RBFOX2: variants seen among roughly 807,000 people sequenced by gnomAD.
RBFOX2 encodes the protein RNA binding fox-1 homolog 2, also known as RNA binding protein fox-1 homolog 2.
Under a neutral mutation model 49.1 loss-of-function variants are expected in RBFOX2, and 10 were observed. The ratio of observed to expected loss-of-function variants is 0.20; its 90% CI spans 0.13 to 0.35. The LOEUF (loss-of-function observed/expected upper bound fraction) is 0.35. Among genes scored for constraint, RBFOX2 ranks in the 10% least tolerant of loss-of-function variants. The pLI is 1.00. For synonymous variants in RBFOX2, 183 were observed against 187.4 expected (o/e 0.98, Z 0.19); for missense variants, 323 against 486.9 (o/e 0.66, Z 3.17).
chr22:35,792,384 G>A (rs186067218), intron 2 of RBFOX2, among the ~76,000 whole-genome samples: 13 of 147,360 alleles, frequency 8.8e-5, no homozygotes, highest in African/African-American at 3.3e-4. Flanking sequence ...AAAGAAATTA[G>A]GCAACTATTA....
intron 1 of RBFOX2, among the ~76,000 whole-genome samples, chr22:35,824,126 G>A (rs1388470064): frequency 6.6e-6 from 1 of 151,872 alleles, no homozygotes; most frequent in Non-Finnish European, 1.5e-5. Flanking sequence ...TCCAGACTGG[G>A]AGACAGGATG....
intron 1 of RBFOX2, among the ~76,000 whole-genome samples, chr22:35,873,904 C>T (rs917458303): frequency 2.0e-5 from 3 of 152,258 alleles, no homozygotes; most frequent in African/African-American, 7.2e-5. Context: ...TGGTCTCGAA[C>T]TCCTGGCCTC....
intron 1 of RBFOX2, among the ~76,000 whole-genome samples, chr22:35,971,351 G>C (rs776521636): frequency 1.1e-4 from 17 of 152,114 alleles, no homozygotes; most frequent in Non-Finnish European, 2.4e-4. Flanking sequence ...ATTCAGACAA[G>C]TGTGCAGGAT....
At chr22:35,753,675 ATC>A (rs775784298) in intron 9 of RBFOX2, among the ~76,000 whole-genome samples, 2 of 151,624 alleles carry the variant, frequency 1.3e-5, no homozygotes, top group Non-Finnish European at 2.9e-5. Context: ...CAGAAAAATC[ATC>A]TGTCTCAATA....
chr22:35,793,556 C>T (rs1362235202), intron 2 of RBFOX2, among the ~76,000 whole-genome samples: 1 of 152,114 alleles, frequency 6.6e-6, no homozygotes, highest in Admixed American at 6.5e-5. Flanking sequence ...CAATGTACTT[C>T]ATGGTGCTAA....
chr22:35,773,820 T>A (rs991908442), intron 4 of RBFOX2, among the ~76,000 whole-genome samples: 2 of 152,058 alleles, frequency 1.3e-5, no homozygotes, highest in African/African-American at 4.8e-5. Context: ...AAAATTGTTA[T>A]GTGGTTGGAT....
chr22:35,805,136 A>G (rs1950481538), intron 2 of RBFOX2, among the ~76,000 whole-genome samples: 1 of 151,878 alleles, frequency 6.6e-6, no homozygotes, highest in Non-Finnish European at 1.5e-5. Flanking sequence ...AAAAAACACA[A>G]AAAATTAGCC....
intron 1 of RBFOX2, among the ~76,000 whole-genome samples, chr22:35,903,550 G>A (rs1356241757): frequency 6.6e-6 from 1 of 151,988 alleles, no homozygotes; most frequent in Non-Finnish European, 1.5e-5. Context: ...ACCCCTAGCA[G>A]AGACCTCTCC....
intron 1 of RBFOX2, among the ~76,000 whole-genome samples, chr22:36,000,965 T>C (rs1348595152): frequency 6.6e-6 from 1 of 152,126 alleles, no homozygotes; most frequent in Non-Finnish European, 1.5e-5. Flanking sequence ...AAACTGAGGT[T>C]CTGACAGATT....
intron 1 of RBFOX2, among the ~76,000 whole-genome samples, chr22:35,813,349 A>G (rs1952295390): frequency 6.6e-6 from 1 of 152,228 alleles, no homozygotes; most frequent in Non-Finnish European, 1.5e-5. Flanking sequence ...ATGAGATAAC[A>G]GTTCACATGA....
At chr22:35,951,264 T>TTA (rs2054895935) in intron 1 of RBFOX2, among the ~76,000 whole-genome samples, 1 of 131,384 alleles carries the variant, frequency 7.6e-6, no homozygotes, top group Non-Finnish European at 1.6e-5. Context: ...TTTTTTTTTT[T>TTA]GAGACGGAGT....
At position 35,768,633 on chromosome 22, in the gene RBFOX2, ACTCGGGT is replaced by A. The variant is rs1941743896; in HGVS notation, c.454-291_454-285del. Among the ~76,000 whole-genome samples the A allele has an allele frequency of 2.6e-5, 4 of 152,342 alleles. No individual in the cohort carries two copies. In the South Asian group the frequency reaches 8.3e-4, roughly 32 times the overall value. On this transcript the variant is annotated intron_variant, in intron 4 of 11. Transcript: ENST00000405409. ...CAGACCAAAATTAAGGTACAGAGTT[ACTCGGGT>A]CAAACTATTCAACCAAAAATCTGAA...
intron 1 of RBFOX2, among the ~76,000 whole-genome samples, chr22:36,012,597 A>G (rs1335321860): frequency 6.6e-6 from 1 of 151,930 alleles, no homozygotes; most frequent in Non-Finnish European, 1.5e-5. Context: ...TATCTCTTAA[A>G]AATAATAATA....
chr22:35,946,362 T>G (rs2054278727), intron 1 of RBFOX2, among the ~76,000 whole-genome samples: 1 of 152,242 alleles, frequency 6.6e-6, no homozygotes, highest in African/African-American at 2.4e-5. Flanking sequence ...CCTTGGGAGT[T>G]GAAGATACAG....
chr22:35,807,005 T>C (rs1287878414), intron 2 of RBFOX2, among the ~76,000 whole-genome samples: 2 of 152,336 alleles, frequency 1.3e-5, no homozygotes, highest in African/African-American at 2.4e-5. Flanking sequence ...GGTTTCACCA[T>C]GTTGGTCAGG....
exon 3 of RBFOX2, chr22:35,781,727 T>G: frequency 6.2e-7 from 1 of 1,614,192 alleles, no homozygotes; most frequent in South Asian, 1.1e-5. Flanking sequence ...GCCGTCTGTC[T>G]GTGCTCCACC....
At chr22:35,786,663 T>C (rs1946470256) in intron 2 of RBFOX2, among the ~76,000 whole-genome samples, 2 of 152,164 alleles carry the variant, frequency 1.3e-5, no homozygotes, top group South Asian at 4.1e-4. Flanking sequence ...TGCATGTTCT[T>C]AGCCATTATA....
intron 3 of RBFOX2, among the ~76,000 whole-genome samples, 169 bp from the exon 5 acceptor site, chr22:35,778,247 G>A (rs538162800): frequency 7.2e-5 from 11 of 151,970 alleles, no homozygotes; most frequent in African/African-American, 1.4e-4. Flanking sequence ...ATTTTTCCTC[G>A]TCACTGAGCT....
At chr22:35,893,209 C>T (rs924213177) in intron 1 of RBFOX2, among the ~76,000 whole-genome samples, 1 of 152,148 alleles carries the variant, frequency 6.6e-6, no homozygotes, top group Non-Finnish European at 1.5e-5. Context: ...ACTCCCAAGC[C>T]CCAGCTGGCT....
Sources: allele counts gnomAD v4.1 joint callset (sites outside exome capture counted in the v4.1 genomes callset), GRCh38; gene constraint gnomAD v4.1.1; transcripts MANE v1.5; gene names NCBI Gene and HGNC (gene_info 2026-07-23, HGNC 2026-07-21).